NELL1: variants seen among roughly 807,000 people sequenced by gnomAD.
The protein encoded by NELL1 is protein kinase C-binding protein NELL1.
In NELL1, 76 loss-of-function variants were observed where a neutral mutation model predicts 107.4. The observed-to-expected ratio is 0.71, with a 90% CI of 0.59 to 0.86. NELL1 has a LOEUF of 0.86. NELL1 is among the 40% of genes least tolerant of loss of function. The pLI is 0.00. For synonymous variants in NELL1, 353 were observed against 341.2 expected (o/e 1.03, Z -0.38); for missense variants, 1,024 against 1,005.5 (o/e 1.02, Z -0.25).
At chr11:20,828,668 C>T (rs1857937072) in intron 3 of NELL1, among the ~76,000 whole-genome samples, 1 of 152,216 alleles carries the variant, frequency 6.6e-6, no homozygotes, top group Non-Finnish European at 1.5e-5. Context: ...GATGTCCACC[C>T]AGTCTCACGT....
intron 12 of NELL1, among the ~76,000 whole-genome samples, chr11:21,004,194 A>G (rs1460769934): frequency 6.6e-6 from 1 of 152,052 alleles, no homozygotes; most frequent in Non-Finnish European, 1.5e-5. Flanking sequence ...TGTGAGTTTG[A>G]GTGGCGGGGA....
At chr11:21,055,297 TA>T (rs1421184709) in intron 12 of NELL1, among the ~76,000 whole-genome samples, 2 of 152,106 alleles carry the variant, frequency 1.3e-5, no homozygotes, top group African/African-American at 4.8e-5. Flanking sequence ...CTTTTTCCTT[TA>T]AAAATTGTTT....
intron 13 of NELL1, among the ~76,000 whole-genome samples, chr11:21,224,269 G>T (rs568513556): frequency 2.0e-5 from 3 of 152,110 alleles, no homozygotes; most frequent in East Asian, 3.9e-4. Context: ...TTGAGGCAAG[G>T]TCTCTGTCTA....
chr11:20,956,131 A>G (rs1851165705), intron 11 of NELL1, among the ~76,000 whole-genome samples: 1 of 152,196 alleles, frequency 6.6e-6, no homozygotes, highest in Non-Finnish European at 1.5e-5. Context: ...AGGCAGGAGA[A>G]TCGCTTGAAC....
At chr11:21,205,568 G>T (rs7940556) in intron 13 of NELL1, among the ~76,000 whole-genome samples, 13,361 of 152,198 alleles carry the variant, frequency 0.088, 955 homozygotes, top group East Asian at 0.27. Flanking sequence ...TGTGAGGGTG[G>T]GATCCACTGA....
chr11:20,701,242 C>T (rs1854776012), intron 2 of NELL1, among the ~76,000 whole-genome samples: 1 of 152,098 alleles, frequency 6.6e-6, no homozygotes, highest in Non-Finnish European at 1.5e-5. Flanking sequence ...TTTTGATTTG[C>T]ATTTCTCTGA....
intron 12 of NELL1, among the ~76,000 whole-genome samples, chr11:21,025,883 A>G (rs1014291910): frequency 3.3e-5 from 5 of 152,158 alleles, no homozygotes; most frequent in African/African-American, 9.7e-5. Context: ...TTTCCCATCA[A>G]TTAAAGGCAA....
chr11:21,471,319 A>G (rs1207872710), intron 15 of NELL1, among the ~76,000 whole-genome samples: 1 of 152,110 alleles, frequency 6.6e-6, no homozygotes, highest in African/African-American at 2.4e-5. Flanking sequence ...ATTTAGCCCA[A>G]GATAAAATTA....
intron 12 of NELL1, among the ~76,000 whole-genome samples, chr11:21,096,766 A>T (rs1237021436): frequency 6.6e-6 from 1 of 152,050 alleles, no homozygotes; most frequent in East Asian, 1.9e-4. Context: ...TCACTCTGTC[A>T]CCCAGTGGCA....
chr11:20,930,660 G>A (rs1446204083), intron 9 of NELL1, among the ~76,000 whole-genome samples: 1 of 152,140 alleles, frequency 6.6e-6, no homozygotes, highest in Admixed American at 6.6e-5. Flanking sequence ...GATACATACA[G>A]TTAAATTGCC....
chr11:21,361,855 A>G (rs1851083938), intron 14 of NELL1, among the ~76,000 whole-genome samples: 1 of 151,676 alleles, frequency 6.6e-6, no homozygotes, highest in Admixed American at 6.6e-5. Context: ...TTCCTTTATG[A>G]TATCTATTTA....
chr11:21,318,786 C>T (rs1849937424), intron 14 of NELL1, among the ~76,000 whole-genome samples: 1 of 151,252 alleles, frequency 6.6e-6, no homozygotes, highest in South Asian at 2.1e-4. Context: ...CTGTTGTGTT[C>T]CTACTTTGCT....
chr11:20,797,517 G>T (rs551774455), intron 3 of NELL1, among the ~76,000 whole-genome samples: 1 of 132,326 alleles, frequency 7.6e-6, no homozygotes, highest in African/African-American at 2.8e-5. Flanking sequence ...AGTGAGCCGA[G>T]ATCGCGGCAC....
At chr11:20,752,045 C>A (rs1856152652) in intron 2 of NELL1, among the ~76,000 whole-genome samples, 1 of 152,134 alleles carries the variant, frequency 6.6e-6, no homozygotes, top group Non-Finnish European at 1.5e-5. Flanking sequence ...CTTTTCTCAT[C>A]TTTTATCTTT....
intron 2 of NELL1, among the ~76,000 whole-genome samples, chr11:20,763,649 G>A (rs530542959): frequency 3.3e-5 from 5 of 152,286 alleles, no homozygotes; most frequent in African/African-American, 4.8e-5. Context: ...TACATTACAC[G>A]GAAGGAAAGA....
intron 12 of NELL1, among the ~76,000 whole-genome samples, chr11:21,068,981 G>T (rs943413732): frequency 1.1e-4 from 17 of 152,150 alleles, no homozygotes; most frequent in African/African-American, 3.9e-4. Flanking sequence ...CATTCCTTTG[G>T]AGTCCACATT....
intron 14 of NELL1, among the ~76,000 whole-genome samples, chr11:21,340,603 A>C (rs115711066): frequency 1.2e-3 from 172 of 145,452 alleles, no homozygotes; most frequent in African/African-American, 4.1e-3. Context: ...GTGGGCACCT[A>C]ACCCTTTATG....
intron 5 of NELL1, among the ~76,000 whole-genome samples, chr11:20,893,349 A>G (rs1452063826): frequency 6.7e-6 from 1 of 149,642 alleles, no homozygotes; most frequent in Non-Finnish European, 1.5e-5. Flanking sequence ...AAACCTGCAC[A>G]CTCTGCACAT....
At chr11:20,912,018 C>T (rs890831735) in intron 5 of NELL1, among the ~76,000 whole-genome samples, 1 of 152,172 alleles carries the variant, frequency 6.6e-6, no homozygotes. Context: ...CTCATGGATT[C>T]AACAACCACA....
Sources: gnomAD v4.1 joint callset for allele counts (sites outside exome capture counted in the v4.1 genomes callset) on GRCh38, gnomAD v4.1.1 for gene constraint, MANE v1.5 for transcripts, NCBI Gene and HGNC (gene_info 2026-07-23, HGNC 2026-07-21) for gene names.